The following MED14 variants were observed in gnomAD, a reference collection of about 807,000 sequenced individuals.
MED14 encodes the protein mediator of RNA polymerase II transcription subunit 14.
A neutral mutation model predicts 109.0 loss-of-function variants in MED14; 8 were observed. That is an observed-to-expected ratio of 0.07 (90% CI 0.04 to 0.13). The LOEUF is 0.13. MED14 is among the 10% of genes least tolerant of loss of function. The pLI is 1.00. For synonymous variants in MED14, 399 were observed against 408.7 expected, an observed-to-expected ratio of 0.98 and a Z score of 0.29; for missense variants, 711 against 1,142.4, an observed-to-expected ratio of 0.62 and a Z score of 5.44.
At chrX:40,700,636 T>G (rs1930902715) in intron 12 of MED14, among the ~76,000 whole-genome samples, 1 of 110,919 alleles carries the variant, frequency 9.0e-6, no homozygotes, top group Non-Finnish European at 1.9e-5. Context: ...GCTATAAGGG[T>G]ACCTTTGTGT....
intron 28 of MED14, among the ~76,000 whole-genome samples, chrX:40,657,075 G>A (rs1929077261): frequency 9.0e-6 from 1 of 111,025 alleles, no homozygotes; most frequent in Admixed American, 9.6e-5. Context: ...TTTTAGTAGA[G>A]ATGGAGTTTC....
intron 9 of MED14, among the ~76,000 whole-genome samples, chrX:40,709,775 G>A (rs919697289): frequency 7.2e-5 from 8 of 110,998 alleles, no homozygotes; most frequent in African/African-American, 2.6e-4. Context: ...TATAAAATAT[G>A]AAAGAATATC....
At chrX:40,665,602 G>T (rs1487237135) in intron 24 of MED14, among the ~76,000 whole-genome samples, 1 of 111,986 alleles carries the variant, frequency 8.9e-6, no homozygotes, top group African/African-American at 3.2e-5. Context: ...CACTAATAAA[G>T]AAATACATTA....
intron 12 of MED14, among the ~76,000 whole-genome samples, chrX:40,699,033 T>C (rs1045641312): frequency 8.9e-6 from 1 of 112,298 alleles, no homozygotes; most frequent in Non-Finnish European, 1.9e-5. Context: ...AATTGATGAA[T>C]GGATAAACCA....
Position 40,729,457 on chromosome X carries a change from A to G in MED14, c.216-112T>C, listed in dbSNP as rs1602497979. ...CGTTAATGTTTCAGAAAAACTGGGTAAACAGCTACTACAGGCTCATGTAGC... is the reference window on the plus strand; with the variant it reads ...CGTTAATGTTTCAGAAAAACTGGGTGAACAGCTACTACAGGCTCATGTAGC... On this transcript the variant is annotated intron_variant, in intron 1 of 30. Transcript: ENST00000324817. 1.2e-5 allele frequency: 9 copies of G among 727,331 alleles called. No homozygotes were observed. In the South Asian group the frequency reaches 2.5e-4, roughly 20 times the overall value. 59.9% of individuals were successfully genotyped at this position (727,331 alleles called of 1,213,427 possible).
At chrX:40,710,242 C>T in intron 8 of MED14, 113 bp from the exon 9 acceptor site, 2 of 419,896 alleles carry the variant, frequency 4.8e-6, no homozygotes, top group Non-Finnish European at 7.8e-6. Flanking sequence ...ACGGCAGGCC[C>T]CCAGTGTTTG....
chrX:40,649,804 G>A lies in MED14; in HGVS notation c.*2002C>T, dbSNP rs1241451385. On this transcript the variant is annotated 3_prime_UTR_variant, in exon 31 of 31. Coordinates refer to ENST00000324817, the MANE Select transcript of MED14 (RefSeq NM_004229.4). ...CATAATATAAAAATTCAAATTCATGGGTTTACTCTTAATAAGCATCAAAAG... is the reference window on the plus strand; with the variant it reads ...CATAATATAAAAATTCAAATTCATGAGTTTACTCTTAATAAGCATCAAAAG... 1.3e-6 allele frequency: 1 copy of A among 798,432 alleles called. No individual in the cohort carries two copies. Among genetic ancestry groups the A allele is most frequent in the Non-Finnish European group, 1.5e-6 (1 of 661,392 alleles). The allele number at this position is 798,432 out of a possible 1,213,427, so 65.8% of individuals were successfully genotyped here. A position where few individuals can be genotyped will look rare whatever the true frequency, so the allele number is the denominator to read the frequency against.
In MED14 at chrX:40,686,104, C is replaced by G. The variant is rs546233449; in HGVS notation, c.2057+2350G>C. On this transcript the variant is annotated intron_variant, in intron 16 of 30. Coordinates refer to ENST00000324817, the MANE Select transcript of MED14 (RefSeq NM_004229.4). ...CAATAATGGACAGCACTTACTGGACCAACAGTCATCTTTAACATATCCGTT... is the reference window on the plus strand; with the variant it reads ...CAATAATGGACAGCACTTACTGGACGAACAGTCATCTTTAACATATCCGTT... Among the ~76,000 whole-genome samples, 12 of 111,236 alleles carry G rather than the reference C, an allele frequency of 1.1e-4. No individual in the cohort carries two copies. In the South Asian group the frequency reaches 4.5e-3, roughly 42 times the overall value.
Position 40,735,439 on chromosome X carries a change from A to G in MED14, c.-27T>C. 9.0e-7 allele frequency: 1 copy of G among 1,108,165 alleles called. No homozygotes were observed. The highest frequency in any genetic ancestry group is 1.2e-6 in the Non-Finnish European group (1 of 833,975). The allele number at this position is 1,108,165 out of a possible 1,213,427, so 91.3% of individuals were successfully genotyped here. A position where few individuals can be genotyped will look rare whatever the true frequency, so the allele number is the denominator to read the frequency against. On this transcript the variant is annotated 5_prime_UTR_variant, in exon 1 of 31. Coordinates refer to ENST00000324817, the MANE Select transcript of MED14 (RefSeq NM_004229.4). ...GCGGCGCAGGACCGGGCTTGGCGCAACGGCACACGATGCGGTCCTCGAGCC... is the reference window on the plus strand; with the variant it reads ...GCGGCGCAGGACCGGGCTTGGCGCAGCGGCACACGATGCGGTCCTCGAGCC...
At position 40,664,161 on chromosome X, in the gene MED14, T is replaced by C. The variant is rs1929394603; in HGVS notation, c.3448+146A>G. ...GGGCATGGAAACTGCACTCCCCTTA[T>C]GCATCTCTTCATCTGCATCCTTTGT... On this transcript the variant is annotated intron_variant, in intron 25 of 30. Coordinates refer to ENST00000324817, the MANE Select transcript of MED14 (RefSeq NM_004229.4). 1.8e-5 allele frequency: 9 copies of C among 488,434 alleles called. No individual in the cohort carries two copies. In the Admixed American group the frequency reaches 2.6e-4, roughly 14 times the overall value. The allele number at this position is 488,434 out of a possible 1,213,427, so 40.3% of individuals were successfully genotyped here.
At chrX:40,714,757 C>G in intron 3 of MED14, 47 bp from the exon 4 acceptor site, 1 of 1,038,150 alleles carries the variant, frequency 9.6e-7, no homozygotes, top group Non-Finnish European at 1.3e-6. Flanking sequence ...AAAACTATCT[C>G]CTTTTCACAC....
chrX:40,692,346 G>GT (rs768156660), intron 14 of MED14, 29 bp from the exon 15 acceptor site: 6 of 923,954 alleles, frequency 6.5e-6, no homozygotes, highest in East Asian at 3.5e-5. Flanking sequence ...ACACAAACAG[G>GT]TAAAAAAAAA....
At position 40,650,603 on chromosome X, in the gene MED14, C is replaced by A. The variant is rs945779638; in HGVS notation, c.*1203G>T. ...AAAGTCCCTGACTGACTAGGAAAGA[C>A]AGCACAGTGCTCCAAAAAGAAACCC... On this transcript the variant is annotated 3_prime_UTR_variant, in exon 31 of 31. Coordinates refer to ENST00000324817, the MANE Select transcript of MED14 (RefSeq NM_004229.4). 2.3e-5 allele frequency: 17 copies of A among 752,239 alleles called. No homozygotes were observed. The highest frequency in any genetic ancestry group is 2.5e-5 in the Non-Finnish European group (16 of 638,964). The allele number at this position is 752,239 out of a possible 1,213,427, so 62.0% of individuals were successfully genotyped here. A position where few individuals can be genotyped will look rare whatever the true frequency, so the allele number is the denominator to read the frequency against.
intron 12 of MED14, among the ~76,000 whole-genome samples, chrX:40,697,916 C>G (rs756529326): frequency 4.6e-4 from 51 of 111,656 alleles, no homozygotes; most frequent in African/African-American, 1.6e-3. Flanking sequence ...AAACTGTATA[C>G]CAGTTATGTG....
intron 16 of MED14, among the ~76,000 whole-genome samples, chrX:40,688,094 G>A (rs761369729): frequency 4.3e-4 from 48 of 111,148 alleles, no homozygotes; most frequent in African/African-American, 1.5e-3. Flanking sequence ...GTGTGTGCCT[G>A]TAGTCCCAGC....
intron 10 of MED14, among the ~76,000 whole-genome samples, chrX:40,706,957 A>C (rs1315324369): frequency 8.9e-6 from 1 of 112,176 alleles, no homozygotes; most frequent in Non-Finnish European, 1.9e-5. Flanking sequence ...AAAATACTTA[A>C]AGTCTTCTTT....
chrX:40,695,083 T>C (rs779158781), intron 13 of MED14, among the ~76,000 whole-genome samples: 94 of 111,726 alleles, frequency 8.4e-4, no homozygotes, highest in African/African-American at 2.8e-3. Flanking sequence ...AAAGGTATTA[T>C]GCTGAGTCAA....
chrX:40,686,260 CTT>C (rs979003302), intron 16 of MED14, among the ~76,000 whole-genome samples: 26 of 111,574 alleles, frequency 2.3e-4, no homozygotes, highest in Non-Finnish European at 4.3e-4. Context: ...TACGCATTCT[CTT>C]GAGTTCAAGA....
intron 12 of MED14, 94 bp downstream of exon 12, chrX:40,701,071 G>A: frequency 1.7e-6 from 1 of 575,474 alleles, no homozygotes; most frequent in South Asian, 3.4e-5. Flanking sequence ...AAACCTTAAG[G>A]ACAGTGAATG....
Sources: allele counts gnomAD v4.1 joint callset (sites outside exome capture counted in the v4.1 genomes callset), GRCh38; gene constraint gnomAD v4.1.1; transcripts MANE v1.5; gene names NCBI Gene and HGNC (gene_info 2026-07-23, HGNC 2026-07-21).